PRKG1: variants seen among roughly 807,000 people sequenced by gnomAD.
The protein encoded by PRKG1 is protein kinase cGMP-dependent 1, also known as cGMP-dependent protein kinase 1.
Under a neutral mutation model 88.1 loss-of-function variants are expected in PRKG1, and 35 were observed. The ratio of observed to expected loss-of-function variants is 0.40; its 90% confidence interval spans 0.30 to 0.53. PRKG1 has a LOEUF of 0.53. Ranked by LOEUF, PRKG1 falls within the 20% of genes least tolerant of loss-of-function variation. PRKG1 has a pLI of 0.59. For missense variants in PRKG1, 540 were observed against 839.8 expected, an observed-to-expected ratio of 0.64 and a Z score of 4.41; for synonymous variants, 303 against 292.5, an observed-to-expected ratio of 1.04 and a Z score of -0.37.
intron 7 of PRKG1, chr10:52,128,448 T>C: frequency 1.0e-6 from 1 of 985,386 alleles, no homozygotes; most frequent in Non-Finnish European, 1.2e-6. Context: ...CCGATGTAAA[T>C]TCCCTGTATG....
At chr10:51,728,538 A>C (rs1842196331) in intron 3 of PRKG1, among the ~76,000 whole-genome samples, 1 of 146,132 alleles carries the variant, frequency 6.8e-6, no homozygotes, top group Non-Finnish European at 1.5e-5. Context: ...CTATTGCAGA[A>C]GCCAGGAAGA....
chr10:51,147,781 C>T (rs1845977458), intron 1 of PRKG1, among the ~76,000 whole-genome samples: 1 of 152,110 alleles, frequency 6.6e-6, no homozygotes, highest in Admixed American at 6.6e-5. Context: ...GTTTTAATTT[C>T]CTCATGACTA....
At chr10:51,448,284 A>T (rs1003722650) in intron 2 of PRKG1, among the ~76,000 whole-genome samples, 1 of 151,872 alleles carries the variant, frequency 6.6e-6, no homozygotes, top group Admixed American at 6.6e-5. Flanking sequence ...ATAAACAAAA[A>T]AACTTTCATC....
chr10:51,477,338 T>C (rs922056761), intron 3 of PRKG1, among the ~76,000 whole-genome samples: 3 of 149,742 alleles, frequency 2.0e-5, no homozygotes, highest in Admixed American at 6.8e-5. Flanking sequence ...TCGAGACAAA[T>C]AGAAGAATTT....
intron 7 of PRKG1, among the ~76,000 whole-genome samples, chr10:52,094,540 A>G (rs956801681): frequency 4.6e-5 from 7 of 152,116 alleles, no homozygotes; most frequent in African/African-American, 7.2e-5. Flanking sequence ...CATGTTCATT[A>G]CTATCTTAGT....
chr10:52,055,922 G>A (rs12360488), intron 6 of PRKG1, among the ~76,000 whole-genome samples: 369 of 152,212 alleles, frequency 2.4e-3, no homozygotes, highest in Non-Finnish European at 2.6e-3. Flanking sequence ...CACAATTTAG[G>A]TAATTCTCCT....
At position 51,525,760 on chromosome 10, in the gene PRKG1, C is replaced by T. The variant is rs187222721; in HGVS notation, c.592+57924C>T. ...CTTATGAAATGATAAAATAAACTCC[C>T]ATATACCTACCACCAACCTTAATGT... On this transcript the variant is annotated intron_variant, in intron 3 of 17. Coordinates refer to ENST00000373980, the MANE Select transcript of PRKG1 (RefSeq NM_006258.4). 3.7e-3 allele frequency among the ~76,000 whole-genome samples: 564 copies of T among 151,550 alleles called. 1 individual carries two copies. Among genetic ancestry groups the T allele is most frequent in the Non-Finnish European group, 4.0e-3 (269 of 67,898 alleles).
chr10:51,071,009 A>T (rs1843818631), upstream of PRKG1, among the ~76,000 whole-genome samples: 1 of 152,176 alleles, frequency 6.6e-6, no homozygotes. Flanking sequence ...ATTCTCCTCT[A>T]CTCTATCCCT....
intron 5 of PRKG1, among the ~76,000 whole-genome samples, chr10:51,983,879 G>C (rs894499580): frequency 5.3e-5 from 8 of 152,322 alleles, no homozygotes; most frequent in African/African-American, 1.9e-4. Flanking sequence ...GAGCAAAGTA[G>C]CCCTGTGCCG....
chr10:51,627,931 T>TTCCC (rs1564579550), intron 3 of PRKG1, among the ~76,000 whole-genome samples: 1 of 21,460 alleles, frequency 4.7e-5, no homozygotes, highest in African/African-American at 9.3e-5. Flanking sequence ...CCTTCCTTTC[T>TTCCC]TCCTTCCTTC....
chr10:51,695,249 A>C (rs1358355857), intron 3 of PRKG1, among the ~76,000 whole-genome samples: 4 of 152,170 alleles, frequency 2.6e-5, no homozygotes, highest in African/African-American at 7.2e-5. Context: ...CATAAGCTTA[A>C]TATCTGACTA....
At chr10:51,955,154 A>G (rs1165108978) in intron 5 of PRKG1, among the ~76,000 whole-genome samples, 2 of 152,060 alleles carry the variant, frequency 1.3e-5, no homozygotes, top group South Asian at 2.1e-4. Context: ...TTTGAAAAGC[A>G]GTATCCAGAT....
intron 3 of PRKG1, among the ~76,000 whole-genome samples, chr10:51,555,755 G>T (rs936622094): frequency 4.6e-5 from 7 of 151,928 alleles, no homozygotes; most frequent in African/African-American, 1.7e-4. Flanking sequence ...TCTACTTCTT[G>T]ACTTGGTGAC....
chr10:51,765,677 C>CA (rs1335477572), intron 3 of PRKG1, among the ~76,000 whole-genome samples: 1 of 152,102 alleles, frequency 6.6e-6, no homozygotes, highest in African/African-American at 2.4e-5. Flanking sequence ...ATGTACTTTC[C>CA]TTCCTGTCTA....
intron 3 of PRKG1, among the ~76,000 whole-genome samples, chr10:51,542,770 A>T (rs548795816): frequency 1.8e-4 from 27 of 152,254 alleles, no homozygotes; most frequent in African/African-American, 6.0e-4. Flanking sequence ...AAGGAGAGAG[A>T]GCACCAGGCT....
chr10:52,078,101 T>C (rs2133298715), intron 7 of PRKG1, among the ~76,000 whole-genome samples: 1 of 152,326 alleles, frequency 6.6e-6, no homozygotes, highest in African/African-American at 2.4e-5. Flanking sequence ...GAAAGGAACA[T>C]TTTCCACACA....
intron 1 of PRKG1, among the ~76,000 whole-genome samples, chr10:51,145,530 A>G (rs374337403): frequency 6.6e-6 from 1 of 152,142 alleles, no homozygotes; most frequent in Non-Finnish European, 1.5e-5. Context: ...TTTTAATTCC[A>G]TGATATGAGA....
intron 2 of PRKG1, among the ~76,000 whole-genome samples, chr10:51,308,628 A>G (rs554994676): frequency 6.6e-6 from 1 of 152,178 alleles, no homozygotes; most frequent in African/African-American, 2.4e-5. Context: ...GTGTGTGGCA[A>G]GGAAACTAGA....
At chr10:52,065,130 C>T (rs1388212719) in intron 7 of PRKG1, among the ~76,000 whole-genome samples, 1 of 152,092 alleles carries the variant, frequency 6.6e-6, no homozygotes, top group East Asian at 1.9e-4. Context: ...TGACTTTTTA[C>T]CATGCATTTT....
Sources: gnomAD v4.1 joint callset for allele counts (sites outside exome capture counted in the v4.1 genomes callset) on GRCh38, gnomAD v4.1.1 for gene constraint, MANE v1.5 for transcripts, NCBI Gene and HGNC (gene_info 2026-07-23, HGNC 2026-07-21) for gene names.